The following SAMD12 variants were observed in gnomAD, a reference collection of about 807,000 sequenced individuals.
SAMD12 encodes the protein sterile alpha motif domain-containing protein 12.
Under a neutral mutation model 15.0 loss-of-function variants are expected in SAMD12, and 9 were observed. That is an observed-to-expected ratio of 0.60 (90% CI 0.36 to 1.05). The LOEUF (loss-of-function observed/expected upper bound fraction) is 1.05. SAMD12 is among the 50% of genes least tolerant of loss of function. SAMD12 has a pLI of 0.01. For synonymous variants in SAMD12, 86 were observed against 90.1 expected, an observed-to-expected ratio of 0.96 and a Z score of 0.25; for missense variants, 230 against 234.2, an observed-to-expected ratio of 0.98 and a Z score of 0.12.
chr8:118,162,617 C>G, the SAMD12 span, among the ~76,000 whole-genome samples: 1 of 152,078 alleles, frequency 6.6e-6, no homozygotes, highest in East Asian at 1.9e-4. Context: ...TCTCAAGAGG[C>G]ATGGGCTGCA....
intron 3 of SAMD12, among the ~76,000 whole-genome samples, chr8:118,412,927 A>G (rs1052628109): frequency 6.6e-6 from 1 of 152,148 alleles, no homozygotes; most frequent in Non-Finnish European, 1.5e-5. Context: ...GCTTTGGCCA[A>G]TGGAATGCTA....
intron 2 of SAMD12, among the ~76,000 whole-genome samples, chr8:118,454,101 G>A (rs760518493): frequency 2.0e-5 from 3 of 152,112 alleles, no homozygotes; most frequent in Non-Finnish European, 4.4e-5. Context: ...TCTTCTCTTT[G>A]CTGGAACATA....
chr8:118,293,168 T>C (rs1814512346), intron 4 of SAMD12, among the ~76,000 whole-genome samples: 1 of 152,070 alleles, frequency 6.6e-6, no homozygotes, highest in East Asian at 1.9e-4. Context: ...TAAGACCACA[T>C]AAGTGCTAAT....
At chr8:118,594,029 C>T (rs1827653398) in intron 1 of SAMD12, among the ~76,000 whole-genome samples, 1 of 152,148 alleles carries the variant, frequency 6.6e-6, no homozygotes, top group Non-Finnish European at 1.5e-5. Context: ...ACACTGATTG[C>T]TTCTATGTCA....
the SAMD12 span, among the ~76,000 whole-genome samples, chr8:118,152,841 C>T: frequency 6.6e-6 from 1 of 152,300 alleles, no homozygotes. Context: ...TGGAAAAGTG[C>T]ACCACTGGTA....
At chr8:118,351,077 ACTT>A (rs1817941433) in intron 4 of SAMD12, among the ~76,000 whole-genome samples, 1 of 152,084 alleles carries the variant, frequency 6.6e-6, no homozygotes, top group Non-Finnish European at 1.5e-5. Context: ...TCCAAAATCT[ACTT>A]CTTCCCTGGC....
chr8:118,222,234 G>T (rs1199421031), intron 4 of SAMD12, among the ~76,000 whole-genome samples: 1 of 151,782 alleles, frequency 6.6e-6, no homozygotes, highest in Admixed American at 6.6e-5. Flanking sequence ...TTTTTCAAGA[G>T]CAGAAGATAA....
intron 2 of SAMD12, among the ~76,000 whole-genome samples, chr8:118,559,052 A>T (rs1369435907): frequency 6.6e-6 from 1 of 152,182 alleles, no homozygotes; most frequent in Non-Finnish European, 1.5e-5. Context: ...ATGATTCTAT[A>T]ATATCTCAAA....
intron 2 of SAMD12, among the ~76,000 whole-genome samples, chr8:118,486,060 A>G (rs577515304): frequency 6.6e-6 from 1 of 152,306 alleles, no homozygotes; most frequent in East Asian, 1.9e-4. Flanking sequence ...TGCTGGCATG[A>G]TTAAGATTAA....
intron 3 of SAMD12, among the ~76,000 whole-genome samples, chr8:118,406,432 C>A (rs1222157314): frequency 6.6e-6 from 1 of 152,116 alleles, no homozygotes; most frequent in East Asian, 1.9e-4. Flanking sequence ...AACCACCACA[C>A]CTGGCTAATT....
intron 1 of SAMD12, among the ~76,000 whole-genome samples, chr8:118,612,904 C>G (rs1368213836): frequency 6.6e-6 from 1 of 152,120 alleles, no homozygotes; most frequent in Non-Finnish European, 1.5e-5. Flanking sequence ...CAGGCAACAA[C>G]ATGGAGGAAT....
At chr8:118,485,792 A>G (rs776640942) in intron 2 of SAMD12, among the ~76,000 whole-genome samples, 1 of 152,218 alleles carries the variant, frequency 6.6e-6, no homozygotes, top group Non-Finnish European at 1.5e-5. Flanking sequence ...CAATTACTCA[A>G]TATTGGTATG....
intron 3 of SAMD12, among the ~76,000 whole-genome samples, chr8:118,418,639 A>G (rs1211014956): frequency 6.6e-6 from 1 of 152,074 alleles, no homozygotes; most frequent in Non-Finnish European, 1.5e-5. Flanking sequence ...GAATGGCATG[A>G]ACCCGGGAAG....
downstream of SAMD12, among the ~76,000 whole-genome samples, chr8:118,188,037 A>AAGAGAG (rs145785924): frequency 2.0e-5 from 3 of 147,512 alleles, no homozygotes; most frequent in African/African-American, 7.5e-5. Flanking sequence ...AATGGGTTGG[A>AAGAGAG]AGAGAGAGAG....
At chr8:118,309,956 T>C (rs1365288069) in intron 4 of SAMD12, among the ~76,000 whole-genome samples, 4 of 152,200 alleles carry the variant, frequency 2.6e-5, no homozygotes, top group Non-Finnish European at 5.9e-5. Flanking sequence ...GCAGAGACCA[T>C]TGAAGGTACT....
intron 2 of SAMD12, among the ~76,000 whole-genome samples, chr8:118,552,759 C>T (rs1030203513): frequency 5.9e-5 from 9 of 152,194 alleles, no homozygotes; most frequent in Non-Finnish European, 7.3e-5. Context: ...TCACAGATGA[C>T]ATGATTGTAT....
chr8:118,259,232 T>C (rs188579647), intron 4 of SAMD12, among the ~76,000 whole-genome samples: 2 of 152,274 alleles, frequency 1.3e-5, no homozygotes, highest in African/African-American at 4.8e-5. Context: ...CAGGAGCCTA[T>C]GTCTAACAGG....
At chr8:118,380,989 G>A (rs1368658157) in intron 3 of SAMD12, among the ~76,000 whole-genome samples, 6 of 152,176 alleles carry the variant, frequency 3.9e-5, no homozygotes, top group Non-Finnish European at 1.5e-5. Context: ...AGAGGGAGGA[G>A]AGAAGGTGCT....
intron 3 of SAMD12, among the ~76,000 whole-genome samples, chr8:118,399,154 G>T (rs2130781335): frequency 6.6e-6 from 1 of 151,870 alleles, no homozygotes; most frequent in South Asian, 2.1e-4. Context: ...AAAGTGTTGG[G>T]ATTACAGGTG....
Sources: gnomAD v4.1 joint callset for allele counts (sites outside exome capture counted in the v4.1 genomes callset) on GRCh38, gnomAD v4.1.1 for gene constraint, MANE v1.5 for transcripts, NCBI Gene and HGNC (gene_info 2026-07-23, HGNC 2026-07-21) for gene names.